MAD1L1: variants seen among roughly 807,000 people sequenced by gnomAD.
MAD1L1 encodes mitotic arrest deficient 1 like 1.
A neutral mutation model predicts 96.9 loss-of-function variants in MAD1L1; 95 were observed. The ratio of observed to expected loss-of-function variants is 0.98; its 90% CI spans 0.83 to 1.16. The LOEUF is 1.16. Among genes scored for constraint, MAD1L1 ranks in the 50% most tolerant of loss-of-function variants. The probability of loss-of-function intolerance (pLI) is 0.00; values close to 1 mark genes in which losing one functional copy is unlikely to be tolerated. For missense variants in MAD1L1, 1,007 were observed against 954.4 expected (o/e 1.06, Z -0.73); for synonymous variants, 473 against 396.6 (o/e 1.19, Z -2.29).
chr7:2,232,225 G>C (rs1404659914), intron 1 of MAD1L1, among the ~76,000 whole-genome samples: 2 of 152,242 alleles, frequency 1.3e-5, no homozygotes. Flanking sequence ...CAGTTTCTGA[G>C]TTTCCATTTA....
chr7:2,024,784 T>G (rs991926147), intron 12 of MAD1L1, among the ~76,000 whole-genome samples: 1 of 152,106 alleles, frequency 6.6e-6, no homozygotes, highest in Admixed American at 6.5e-5. Context: ...ACAGGCTGTA[T>G]CTATGAAAGA....
chr7:2,015,083 G>A (rs1376377909), intron 12 of MAD1L1, among the ~76,000 whole-genome samples: 2 of 152,194 alleles, frequency 1.3e-5, no homozygotes, highest in Non-Finnish European at 2.9e-5. Flanking sequence ...GTCACACTGG[G>A]CCCAGGGAAA....
intron 11 of MAD1L1, among the ~76,000 whole-genome samples, chr7:2,113,898 C>T (rs900518172): frequency 6.6e-6 from 1 of 152,194 alleles, no homozygotes; most frequent in Admixed American, 6.5e-5. Flanking sequence ...GGGGTCACGA[C>T]GACAGGAGAG....
Position 1,957,422 on chromosome 7 carries a change from G to A in MAD1L1, c.1596+207C>T, listed in dbSNP as rs542823615. Among the ~76,000 whole-genome samples, 8 of 152,368 alleles carry A rather than the reference G, an allele frequency of 5.3e-5. No homozygotes were observed. In the East Asian group the frequency reaches 9.6e-4, roughly 18 times the overall value. On this transcript the variant is annotated intron_variant, in intron 16 of 18. Coordinates refer to ENST00000265854, the MANE Select transcript of MAD1L1 (RefSeq NM_001013836.2). ...ACCAGGCGTGTGGGTGGTGCGGGCC[G>A]CAGAGGACTCCAGAGGCAGCCAGTG...
At chr7:2,084,027 A>G (rs139993781) in intron 11 of MAD1L1, among the ~76,000 whole-genome samples, 32 of 152,312 alleles carry the variant, frequency 2.1e-4, no homozygotes, top group African/African-American at 5.8e-4. Flanking sequence ...CCCAACTCGG[A>G]GAAGAATGCT....
intron 11 of MAD1L1, among the ~76,000 whole-genome samples, chr7:2,135,354 A>T (rs1285040062): frequency 1.3e-5 from 2 of 152,258 alleles, no homozygotes; most frequent in Admixed American, 6.5e-5. Flanking sequence ...GATTTGTAAA[A>T]AGTAAAAAAC....
Position 2,216,213 on chromosome 7 carries a change from C to CCGTA in MAD1L1, c.749_752dup (p.Leu252ThrfsTer4), listed in dbSNP as rs1331009065. On this transcript the variant is annotated frameshift_variant, in exon 8 of 19. Transcript: ENST00000265854. LOFTEE classifies it high-confidence loss of function. ...TCAGCTCCCGTTCCAGCCTAGGGAG[C>CCGTA]CGTACCAGCTCAGACTTCATGTTCT... 1 of 1,614,102 alleles carries CCGTA rather than the reference C, an allele frequency of 6.2e-7. No homozygotes were observed. The highest frequency in any genetic ancestry group is 1.7e-5 in the Admixed American group (1 of 60,034).
intron 12 of MAD1L1, among the ~76,000 whole-genome samples, chr7:2,052,970 G>A (rs1479319966): frequency 2.6e-5 from 4 of 152,292 alleles, no homozygotes; most frequent in African/African-American, 7.2e-5. Context: ...CCGGGACAGC[G>A]GAGGCTCCTC....
chr7:2,192,534 A>C (rs1791779270), intron 10 of MAD1L1, among the ~76,000 whole-genome samples: 1 of 152,220 alleles, frequency 6.6e-6, no homozygotes, highest in Non-Finnish European at 1.5e-5. Flanking sequence ...ATTGAAAAAC[A>C]ATTCAGGAAA....
At chr7:1,843,470 C>A (rs1057357991) in intron 18 of MAD1L1, among the ~76,000 whole-genome samples, 1 of 152,184 alleles carries the variant, frequency 6.6e-6, no homozygotes, top group Non-Finnish European at 1.5e-5. Context: ...GCTTGATGGG[C>A]GTCCACAAGT....
At chr7:2,036,978 C>T (rs1050842913) in intron 12 of MAD1L1, among the ~76,000 whole-genome samples, 6 of 152,068 alleles carry the variant, frequency 3.9e-5, no homozygotes, top group Non-Finnish European at 7.4e-5. Context: ...TCCCACAGCT[C>T]CCCCCACAGC....
At chr7:2,097,172 G>A (rs1786535580) in intron 11 of MAD1L1, among the ~76,000 whole-genome samples, 1 of 150,718 alleles carries the variant, frequency 6.6e-6, no homozygotes, top group Admixed American at 6.6e-5. Flanking sequence ...GCTCCACCAC[G>A]CCCCACCCCA....
At chr7:1,989,804 A>G (rs372250560) in intron 14 of MAD1L1, among the ~76,000 whole-genome samples, 131 of 152,238 alleles carry the variant, frequency 8.6e-4, no homozygotes, top group African/African-American at 3.0e-3. Flanking sequence ...GGCTGGCCCC[A>G]TGTTCCTCTG....
chr7:1,993,100 T>G (rs1781420043), intron 14 of MAD1L1, among the ~76,000 whole-genome samples: 1 of 152,140 alleles, frequency 6.6e-6, no homozygotes. Flanking sequence ...TTTCGTGGAG[T>G]GGAATGCACG....
At chr7:1,865,870 C>G (rs888147657) in intron 18 of MAD1L1, among the ~76,000 whole-genome samples, 4 of 152,354 alleles carry the variant, frequency 2.6e-5, no homozygotes, top group South Asian at 4.1e-4. Flanking sequence ...CGGGGCTCCA[C>G]GAGCCAGATG....
intron 11 of MAD1L1, among the ~76,000 whole-genome samples, chr7:2,138,907 C>T (rs988599350): frequency 2.1e-4 from 32 of 152,178 alleles, no homozygotes; most frequent in African/African-American, 7.5e-4. Context: ...ATCTTCAATT[C>T]TCCACTCATC....
chr7:1,860,657 G>A (rs561914829), intron 18 of MAD1L1, among the ~76,000 whole-genome samples: 12 of 152,298 alleles, frequency 7.9e-5, no homozygotes, highest in Middle Eastern at 3.4e-3. Flanking sequence ...CGAGGGCAGG[G>A]GCTACTGGCG....
chr7:1,986,999 G>A (rs1722241009), intron 14 of MAD1L1, among the ~76,000 whole-genome samples: 1 of 151,830 alleles, frequency 6.6e-6, no homozygotes, highest in Non-Finnish European at 1.5e-5. Context: ...CCAGGCCCAT[G>A]GCACAGGACA....
intron 11 of MAD1L1, among the ~76,000 whole-genome samples, chr7:2,094,442 G>A (rs896334116): frequency 8.5e-5 from 13 of 152,170 alleles, no homozygotes; most frequent in African/African-American, 2.7e-4. Context: ...TGAGAAATAA[G>A]ACACAAAAAA....
Sources: gnomAD v4.1 joint callset for allele counts (sites outside exome capture counted in the v4.1 genomes callset) on GRCh38, gnomAD v4.1.1 for gene constraint, MANE v1.5 for transcripts, NCBI Gene and HGNC (gene_info 2026-07-23, HGNC 2026-07-21) for gene names.